The following FOXP2 variants were observed in gnomAD, a reference collection of about 807,000 sequenced individuals.
FOXP2 encodes the protein forkhead box P2, also known as forkhead box protein P2.
FOXP2 carries 12 observed loss-of-function variants against 115.8 expected under a neutral mutation model. The observed-to-expected ratio is 0.10, with a 90% CI of 0.07 to 0.17. The LOEUF is 0.17. Ranked by LOEUF, FOXP2 falls within the 10% of genes least tolerant of loss-of-function variation. The pLI, the probability that FOXP2 is intolerant of heterozygous loss-of-function variation, is 1.00. For missense variants in FOXP2, 629 were observed against 843.5 expected, an observed-to-expected ratio of 0.75 and a Z score of 3.15; for synonymous variants, 328 against 297.7, an observed-to-expected ratio of 1.10 and a Z score of -1.05.
At chr7:114,534,409 G>A (rs1305027186) in intron 2 of FOXP2, among the ~76,000 whole-genome samples, 1 of 151,676 alleles carries the variant, frequency 6.6e-6, no homozygotes, top group Non-Finnish European at 1.5e-5. Context: ...TTTCCTGTAG[G>A]ATTGCATGTT....
chr7:114,689,669 A>C, intron 16 of FOXP2, 113 bp from the exon 17 acceptor site: 1 of 1,047,172 alleles, frequency 9.5e-7, no homozygotes, highest in Non-Finnish European at 1.4e-6. Flanking sequence ...CTTTTAAGAA[A>C]GACAATGTTG....
chr7:114,425,250 A>C (rs1793792265), intron 1 of FOXP2, among the ~76,000 whole-genome samples: 1 of 151,608 alleles, frequency 6.6e-6, no homozygotes, highest in Non-Finnish European at 1.5e-5. Flanking sequence ...GTAAAAAACA[A>C]ATTAGATTGA....
intron 2 of FOXP2, among the ~76,000 whole-genome samples, chr7:114,497,027 T>G (rs534410714): frequency 6.6e-6 from 1 of 152,280 alleles, no homozygotes; most frequent in Admixed American, 6.5e-5. Flanking sequence ...TTTAAATACC[T>G]TGGAATCTAG....
At chr7:114,540,892 C>T (rs749000117) in intron 3 of FOXP2, among the ~76,000 whole-genome samples, 3 of 151,940 alleles carry the variant, frequency 2.0e-5, no homozygotes, top group African/African-American at 2.4e-5. Flanking sequence ...AAATACACAT[C>T]GCTGATTGTA....
chr7:114,127,397 T>C (rs1156722487), intron 1 of FOXP2, among the ~76,000 whole-genome samples: 1 of 152,132 alleles, frequency 6.6e-6, no homozygotes, highest in Admixed American at 6.5e-5. Context: ...GAAGTGGAGA[T>C]CACTGGAGGC....
chr7:114,346,206 T>C lies in FOXP2; in HGVS notation c.-11+58097T>C, dbSNP rs1448146083. ...ATCAACTAATTCACATGTATTTTAA[T>C]AGAAAATAAATACAATTTTAGAATA... is the stretch of plus-strand genomic sequence containing the variant. On this transcript the variant is annotated intron_variant, in intron 2 of 17. Coordinates refer to the FOXP2 transcript ENST00000634411. 2.6e-5 allele frequency among the ~76,000 whole-genome samples: 4 copies of C among 151,926 alleles called. No individual in the cohort carries two copies. The East Asian group carries it at 5.8e-4, about 22-fold the overall frequency.
rs147829633 is a variant in FOXP2, at chr7:114,217,177, G to GAA, written c.-102+54090_-102+54091insAA. On this transcript the variant is annotated intron_variant, in intron 1 of 17. Transcript: ENST00000634411. ...GTAAAACGCATGGTTTGTAGAAATT[G>GAA]ATATTATCAGTTTATTGTCATTAAA... Among the ~76,000 whole-genome samples the GAA allele has an allele frequency of 4.9e-3, 753 of 152,234 alleles. 7 individuals are homozygous for GAA. Among genetic ancestry groups the GAA allele is most frequent in the African/African-American group, 0.016 (679 of 41,548 alleles).
At chr7:114,660,422 ATGTT>A (rs986495688) in intron 13 of FOXP2, among the ~76,000 whole-genome samples, 4 of 152,170 alleles carry the variant, frequency 2.6e-5, no homozygotes, top group Non-Finnish European at 5.9e-5. Context: ...AAAGGGGAAA[ATGTT>A]TGTAGCTGAG....
intron 1 of FOXP2, among the ~76,000 whole-genome samples, chr7:114,209,895 A>T (rs1794299599): frequency 6.6e-6 from 1 of 152,086 alleles, no homozygotes; most frequent in Non-Finnish European, 1.5e-5. Context: ...ACAAGCTCTG[A>T]GATTCTTTCC....
At chr7:114,410,964 T>C (rs1249841642), upstream of FOXP2, among the ~76,000 whole-genome samples, 1 of 152,130 alleles carries the variant, frequency 6.6e-6, no homozygotes, top group Non-Finnish European at 1.5e-5. Context: ...AGACTTTATA[T>C]GTAGGTTATG....
At chr7:114,143,097 G>C (rs1562979214) in intron 1 of FOXP2, among the ~76,000 whole-genome samples, 1 of 151,092 alleles carries the variant, frequency 6.6e-6, no homozygotes. Context: ...GCCATGAGCT[G>C]TGGTTGTGCC....
At chr7:114,306,087 T>C (rs2690840) in intron 2 of FOXP2, among the ~76,000 whole-genome samples, 97,177 of 151,890 alleles carry the variant, frequency 0.64, 32,033 homozygotes, top group Middle Eastern at 0.8. Flanking sequence ...GTTTGGAGAA[T>C]GGAAATTATG....
chr7:114,370,982 C>T (rs781553086), intron 2 of FOXP2, among the ~76,000 whole-genome samples: 1 of 152,026 alleles, frequency 6.6e-6, no homozygotes, highest in Non-Finnish European at 1.5e-5. Context: ...CATTGTTTTG[C>T]TTATCTGGAG....
chr7:114,225,688 A>G (rs532651573), intron 1 of FOXP2, among the ~76,000 whole-genome samples: 1 of 152,164 alleles, frequency 6.6e-6, no homozygotes, highest in Admixed American at 6.6e-5. Context: ...CCTGGCCTCC[A>G]GGGGTCTTCC....
intron 2 of FOXP2, among the ~76,000 whole-genome samples, chr7:114,452,665 A>T (rs1467927322): frequency 6.6e-6 from 1 of 152,044 alleles, no homozygotes; most frequent in African/African-American, 2.4e-5. Context: ...GCCTCTCTCA[A>T]ATTTTTGAAA....
At chr7:114,538,646 A>G (rs1799508903) in intron 3 of FOXP2, among the ~76,000 whole-genome samples, 1 of 151,754 alleles carries the variant, frequency 6.6e-6, no homozygotes, top group Non-Finnish European at 1.5e-5. Flanking sequence ...TAAAATAAAG[A>G]TGTTGGGCTA....
At chr7:114,165,636 G>A (rs1024230109) in intron 1 of FOXP2, among the ~76,000 whole-genome samples, 6 of 152,154 alleles carry the variant, frequency 3.9e-5, no homozygotes, top group African/African-American at 1.4e-4. Flanking sequence ...TGAATAAATG[G>A]AGAGATAGTC....
intron 2 of FOXP2, among the ~76,000 whole-genome samples, chr7:114,513,898 T>C (rs1798196499): frequency 6.6e-6 from 1 of 152,120 alleles, no homozygotes; most frequent in South Asian, 2.1e-4. Flanking sequence ...GTTGCCTATT[T>C]TAAAGCAAAA....
chr7:114,569,778 G>A (rs1388419329), intron 3 of FOXP2, among the ~76,000 whole-genome samples: 3 of 151,864 alleles, frequency 2.0e-5, no homozygotes, highest in Non-Finnish European at 4.4e-5. Flanking sequence ...ATGGCATGTA[G>A]TCATGTAAAG....
Sources: allele counts gnomAD v4.1 joint callset (sites outside exome capture counted in the v4.1 genomes callset), GRCh38; gene constraint gnomAD v4.1.1; transcripts MANE v1.5; gene names NCBI Gene and HGNC (gene_info 2026-07-23, HGNC 2026-07-21).